The following PRKAR2A variants were observed in gnomAD, a reference collection of about 807,000 sequenced individuals.
PRKAR2A encodes the protein cAMP-dependent protein kinase type II-alpha regulatory subunit.
A neutral mutation model predicts 51.9 loss-of-function variants in PRKAR2A; 29 were observed. The observed-to-expected ratio is 0.56, with a 90% confidence interval of 0.42 to 0.76. The LOEUF is 0.76. PRKAR2A is among the 30% of genes least tolerant of loss of function. PRKAR2A has a pLI of 0.00. For synonymous variants in PRKAR2A, 178 were observed against 186.2 expected (o/e 0.96, Z 0.36); for missense variants, 445 against 512.1 (o/e 0.87, Z 1.26).
intron 1 of PRKAR2A, among the ~76,000 whole-genome samples, chr3:48,834,743 A>G (rs2083251700): frequency 6.6e-6 from 1 of 151,432 alleles, no homozygotes; most frequent in Non-Finnish European, 1.5e-5. Context: ...AAAAAAAAAA[A>G]GGTGAAAAGA....
intron 5 of PRKAR2A, among the ~76,000 whole-genome samples, chr3:48,778,285 T>C (rs1488313672): frequency 6.6e-6 from 1 of 151,820 alleles, no homozygotes; most frequent in Non-Finnish European, 1.5e-5. Flanking sequence ...GCCACTGTGC[T>C]CAGCTCTTTC....
intron 1 of PRKAR2A, among the ~76,000 whole-genome samples, chr3:48,829,832 T>C (rs1166291148): frequency 9.0e-6 from 1 of 111,700 alleles, no homozygotes; most frequent in Non-Finnish European, 1.8e-5. Context: ...TATACATACA[T>C]ATATATGCGT....
Position 48,847,201 on chromosome 3 carries a change from A to T in PRKAR2A, c.262+134T>A. 1 of 1,157,168 alleles carries T rather than the reference A, an allele frequency of 8.6e-7. No individual in the cohort carries two copies. The highest frequency in any genetic ancestry group is 1.2e-6 in the Non-Finnish European group (1 of 840,332). 71.7% of individuals were successfully genotyped at this position (1,157,168 alleles called of 1,614,324 possible). On this transcript the variant is annotated intron_variant, in intron 1 of 10. Transcript: ENST00000265563. This position sits in a 1 kb window ranked among gnomAD's most constrained non-coding sequence, Gnocchi z 4.4. Reference sequence around the variant, plus strand: ...CACGCCGGTGTCTCAGGGAAACGCTAGAAACGCGGCTACAGAGCTCCCAAT... The same window carrying T: ...CACGCCGGTGTCTCAGGGAAACGCTTGAAACGCGGCTACAGAGCTCCCAAT...
At chr3:48,818,868 A>T (rs2082914712) in intron 1 of PRKAR2A, among the ~76,000 whole-genome samples, 1 of 152,232 alleles carries the variant, frequency 6.6e-6, no homozygotes, top group Admixed American at 6.5e-5. Context: ...AGAAGTACTG[A>T]GACAGTAAAA....
intron 6 of PRKAR2A, among the ~76,000 whole-genome samples, chr3:48,770,042 C>T (rs1260531397): frequency 1.3e-5 from 2 of 152,188 alleles, no homozygotes; most frequent in Non-Finnish European, 2.9e-5. Flanking sequence ...TCCCAAAGTA[C>T]TGGGATTACA....
chr3:48,752,425 G>T, intron 9 of PRKAR2A, 108 bp from the exon 10 acceptor site: 1 of 1,204,018 alleles, frequency 8.3e-7, no homozygotes, highest in Non-Finnish European at 1.2e-6. Context: ...AATTACTGAG[G>T]AATTCACTTT....
chr3:48,835,436 T>C (rs532114942), intron 1 of PRKAR2A, among the ~76,000 whole-genome samples: 34 of 151,760 alleles, frequency 2.2e-4, no homozygotes, highest in Non-Finnish European at 4.6e-4. Context: ...GGTCAGCAGA[T>C]CGAGGCCATC....
Position 48,756,391 on chromosome 3 carries a change from C to T in PRKAR2A, c.927G>A (p.Leu309=). The T allele has an allele frequency of 6.2e-7, 1 of 1,613,754 alleles. No homozygotes were observed. The highest frequency in any genetic ancestry group is 1.1e-5 in the South Asian group (1 of 91,082). The change falls in exon 9 of 11, where the codon TTG becomes TTA. Residue 309 remains leucine, a synonymous_variant. Coordinates refer to ENST00000265563, the MANE Select transcript of PRKAR2A (RefSeq NM_004157.4). ...YIIESGEVSI[L]IRSRTKSNKD... is the part of the protein sequence containing the mutation. ...CTGATAAACTCACCCTGCTTCTAAT[C>T]AAGATGCTCACTTCGCCAGACTCTA...
chr3:48,797,731 T>A (rs1043225056), intron 2 of PRKAR2A, among the ~76,000 whole-genome samples: 2 of 152,158 alleles, frequency 1.3e-5, no homozygotes, highest in Non-Finnish European at 2.9e-5. Flanking sequence ...ACCATTCTAG[T>A]CTCTGAAATA....
At chr3:48,798,142 G>A (rs1221935581) in intron 2 of PRKAR2A, among the ~76,000 whole-genome samples, 1 of 152,106 alleles carries the variant, frequency 6.6e-6, no homozygotes, top group Non-Finnish European at 1.5e-5. Flanking sequence ...TAGTAGGGAT[G>A]GAGTTTCGCC....
At chr3:48,811,085 G>A (rs765423930) in intron 1 of PRKAR2A, among the ~76,000 whole-genome samples, 31 of 152,034 alleles carry the variant, frequency 2.0e-4, no homozygotes, top group Non-Finnish European at 3.1e-4. Flanking sequence ...GGCTGGGGTA[G>A]GGGATCCATT....
intron 1 of PRKAR2A, among the ~76,000 whole-genome samples, chr3:48,840,035 C>T (rs1375407833): frequency 6.6e-6 from 1 of 152,140 alleles, no homozygotes; most frequent in Non-Finnish European, 1.5e-5. Context: ...ACACCTTCCC[C>T]CAAGCCCTCG....
chr3:48,846,571 C>T (rs1394475481), intron 1 of PRKAR2A, among the ~76,000 whole-genome samples: 2 of 152,150 alleles, frequency 1.3e-5, no homozygotes, highest in African/African-American at 2.4e-5. Flanking sequence ...AGGCTGGTCT[C>T]GAACTCTTGG....
intron 3 of PRKAR2A, among the ~76,000 whole-genome samples, chr3:48,792,382 C>T (rs1159428698): frequency 3.3e-5 from 5 of 150,638 alleles, no homozygotes; most frequent in Admixed American, 2.0e-4. Flanking sequence ...CCTCATGATC[C>T]GCCTGCCTCG....
At chr3:48,767,453 T>C (rs1000391303) in intron 6 of PRKAR2A, among the ~76,000 whole-genome samples, 1 of 151,720 alleles carries the variant, frequency 6.6e-6, no homozygotes, top group Middle Eastern at 3.2e-3. Context: ...CACTCCAGCC[T>C]GGGTAACAGA....
At chr3:48,794,957 G>T (rs961492927) in intron 2 of PRKAR2A, among the ~76,000 whole-genome samples, 1 of 151,862 alleles carries the variant, frequency 6.6e-6, no homozygotes, top group African/African-American at 2.4e-5. Flanking sequence ...ATAGGGAAAG[G>T]AATGAAACTT....
In PRKAR2A at chr3:48,750,260, G is replaced by A. The variant is rs539738439; in HGVS notation, c.*1325C>T. 1 of 152,330 alleles carries A rather than the reference G, an allele frequency of 6.6e-6. No individual in the cohort carries two copies. The highest frequency in any genetic ancestry group is 2.1e-4 in the South Asian group (1 of 4,820). The allele number at this position is 152,330 out of a possible 1,614,324, so 9.4% of individuals were successfully genotyped here. A position where few individuals can be genotyped will look rare whatever the true frequency, so the allele number is the denominator to read the frequency against. On this transcript the variant is annotated 3_prime_UTR_variant, in exon 11 of 11. Coordinates refer to ENST00000265563, the MANE Select transcript of PRKAR2A (RefSeq NM_004157.4). ...TGCCTGTAATCCCAGCTACTCAGGA[G>A]GTTGAGGCAGGAGAATCACTTTAAT... is the stretch of plus-strand genomic sequence containing the variant.
chr3:48,795,475 C>T (rs2082476961), intron 2 of PRKAR2A, among the ~76,000 whole-genome samples: 1 of 152,136 alleles, frequency 6.6e-6, no homozygotes, highest in South Asian at 2.1e-4. Context: ...TGACCATCCA[C>T]CCTCAGTGGG....
chr3:48,792,461 T>A (rs1230961786), intron 3 of PRKAR2A, among the ~76,000 whole-genome samples: 29 of 120,824 alleles, frequency 2.4e-4, no homozygotes, highest in Admixed American at 5.0e-4. Flanking sequence ...TAATCTTTTT[T>A]TTTTTTTTTT....
Sources: gnomAD v4.1 joint callset for allele counts (sites outside exome capture counted in the v4.1 genomes callset) on GRCh38, gnomAD v4.1.1 for gene constraint, Gnocchi (gnomAD v3.1) non-coding constraint, MANE v1.5 for transcripts, NCBI Gene and HGNC (gene_info 2026-07-23, HGNC 2026-07-21) for gene names.